TRPC4AP: variants seen among roughly 807,000 people sequenced by gnomAD.
The protein encoded by TRPC4AP is transient receptor potential cation channel subfamily C member 4 associated protein.
In TRPC4AP, 45 loss-of-function variants were observed where a neutral mutation model predicts 99.0. That is an observed-to-expected ratio of 0.45 (90% CI 0.36 to 0.58). The LOEUF (loss-of-function observed/expected upper bound fraction) is 0.58. Ranked by LOEUF, TRPC4AP falls within the 20% of genes least tolerant of loss-of-function variation. The pLI is 0.00. For missense variants in TRPC4AP, 879 were observed against 985.3 expected (o/e 0.89, Z 1.44); for synonymous variants, 408 against 385.8 (o/e 1.06, Z -0.67).
In TRPC4AP at chr20:35,003,391, T is replaced by C. The variant is rs1426367995; in HGVS notation, c.2256+19A>G. 1 of 1,532,092 alleles carries C rather than the reference T, an allele frequency of 6.5e-7. No individual in the cohort carries two copies. Among genetic ancestry groups the C allele is most frequent in the Non-Finnish European group, 8.7e-7 (1 of 1,143,754 alleles). The allele number at this position is 1,532,092 out of a possible 1,614,324, so 94.9% of individuals were successfully genotyped here. The stretch of plus-strand genomic sequence containing the variant: ...GGTCCGCGGCCCACCCATCACCCCC[T>C]TGAGGGTGGGGCACTCACGTTCTCT... On this transcript the variant is annotated intron_variant, in intron 18 of 18. Transcript: ENST00000252015.
At chr20:35,040,501 G>A (rs1569111744) in intron 7 of TRPC4AP, among the ~76,000 whole-genome samples, 1 of 152,184 alleles carries the variant, frequency 6.6e-6, no homozygotes, top group Non-Finnish European at 1.5e-5. Context: ...CTCCAGCCGG[G>A]GAGCTACACC....
chr20:35,059,815 G>A (rs984774621), intron 3 of TRPC4AP, among the ~76,000 whole-genome samples: 2 of 151,966 alleles, frequency 1.3e-5, no homozygotes, highest in Admixed American at 1.3e-4. Flanking sequence ...AGACAAAGAT[G>A]AAGACGAAGA....
At chr20:35,006,929 G>A (rs915502268) in intron 14 of TRPC4AP, among the ~76,000 whole-genome samples, 2 of 152,326 alleles carry the variant, frequency 1.3e-5, no homozygotes, top group Admixed American at 1.3e-4. Flanking sequence ...TAAGCACTGA[G>A]GTCATTCAAG....
intron 8 of TRPC4AP, among the ~76,000 whole-genome samples, chr20:35,029,405 T>A (rs1305630942): frequency 1.3e-5 from 2 of 152,196 alleles, no homozygotes; most frequent in Non-Finnish European, 2.9e-5. Flanking sequence ...TCTGATCCAA[T>A]ATAACAATCT....
chr20:35,057,980 G>A (rs559593386), intron 3 of TRPC4AP, among the ~76,000 whole-genome samples: 1 of 152,036 alleles, frequency 6.6e-6, no homozygotes, highest in Non-Finnish European at 1.5e-5. Flanking sequence ...ACAGGTTTGG[G>A]GGTTATATGC....
intron 6 of TRPC4AP, 152 bp from the exon 7 acceptor site, chr20:35,044,864 G>A (rs1446704013): frequency 4.3e-6 from 3 of 698,532 alleles, no homozygotes; most frequent in Middle Eastern, 4.1e-4. Context: ...TGAAACTTTG[G>A]TTAAGTTACA....
At chr20:35,003,851 C>T (rs2082453531) in intron 17 of TRPC4AP, among the ~76,000 whole-genome samples, 1 of 152,240 alleles carries the variant, frequency 6.6e-6, no homozygotes, top group Admixed American at 6.5e-5. Context: ...CCTGAGGCAA[C>T]AACACCTGTC....
chr20:35,034,248 C>T (rs1295048172), intron 8 of TRPC4AP, among the ~76,000 whole-genome samples: 3 of 151,874 alleles, frequency 2.0e-5, no homozygotes, highest in South Asian at 2.1e-4. Flanking sequence ...CATGAACTTC[C>T]CTGGACTCTG....
intron 6 of TRPC4AP, among the ~76,000 whole-genome samples, chr20:35,047,293 T>C (rs570518144): frequency 2.6e-4 from 40 of 152,368 alleles, no homozygotes; most frequent in Non-Finnish European, 4.6e-4. Flanking sequence ...TCATTAATTA[T>C]TATTGCCTTG....
At chr20:35,035,080 A>G in intron 8 of TRPC4AP, 43 bp downstream of exon 8, 1 of 1,566,848 alleles carries the variant, frequency 6.4e-7, no homozygotes, top group Non-Finnish European at 8.7e-7. Context: ...CCAGGCGCCC[A>G]AGGAAAAGCT....
At chr20:35,013,184 G>T in intron 10 of TRPC4AP, 118 bp from the exon 11 acceptor site, 1 of 898,320 alleles carries the variant, frequency 1.1e-6, no homozygotes, top group Non-Finnish European at 1.8e-6. Flanking sequence ...GTACCATGAG[G>T]ACTTTTCTTT....
intron 7 of TRPC4AP, among the ~76,000 whole-genome samples, chr20:35,036,580 TATACG>T (rs2083323979): frequency 6.6e-6 from 1 of 152,222 alleles, no homozygotes; most frequent in African/African-American, 2.4e-5. Flanking sequence ...CAGGTGAAAT[TATACG>T]ATGTCTGGGG....
intron 1 of TRPC4AP, among the ~76,000 whole-genome samples, chr20:35,086,555 GTGTGTGTGTGTGTGTGTGTGTATA>G (rs2084883657): frequency 3.8e-5 from 2 of 52,354 alleles, no homozygotes; most frequent in South Asian, 6.6e-4. Flanking sequence ...GTGTGTGTGT[GTGTGTGTGTGTGTGTGTGTGTATA>G]TATATATGAA....
At chr20:35,085,326 A>G (rs2146037727) in intron 1 of TRPC4AP, among the ~76,000 whole-genome samples, 1 of 152,234 alleles carries the variant, frequency 6.6e-6, no homozygotes. Context: ...AAAAATAATA[A>G]TTTGGGGCTG....
chr20:35,062,524 G>A (rs1472249938), intron 3 of TRPC4AP, among the ~76,000 whole-genome samples: 8 of 152,192 alleles, frequency 5.3e-5, no homozygotes, highest in Admixed American at 3.3e-4. Context: ...ATTGATACAC[G>A]TTATGACACG....
At chr20:35,066,155 A>C (rs2084139809) in intron 3 of TRPC4AP, among the ~76,000 whole-genome samples, 1 of 152,062 alleles carries the variant, frequency 6.6e-6, no homozygotes, top group Non-Finnish European at 1.5e-5. Flanking sequence ...CCCAGGCTGC[A>C]GTTCATGGTG....
Position 35,007,543 on chromosome 20 carries a change from A to G in TRPC4AP, c.1686+7T>C. ...GAACCCAAGACACTGGCTGCTCCAG[A>G]TCATACCTCCAAGAGGCCTCGCTTC... On this transcript the variant is annotated splice_region_variant and intron_variant, in intron 14 of 18. Transcript: ENST00000252015. 2 of 1,614,034 alleles carry G rather than the reference A, an allele frequency of 1.2e-6. No homozygotes were observed. The highest frequency in any genetic ancestry group is 1.1e-5 in the South Asian group (1 of 91,078).
chr20:35,041,470 C>CATAG (rs138335819), intron 7 of TRPC4AP, among the ~76,000 whole-genome samples: 3,320 of 152,126 alleles, frequency 0.022, 46 homozygotes, highest in Middle Eastern at 0.031. Flanking sequence ...CAGAATCACA[C>CATAG]ATAGACTGTC....
Position 35,057,390 on chromosome 20 carries a change from G to A in TRPC4AP, c.472+124C>T, listed in dbSNP as rs549214717. 31 of 746,550 alleles carry A rather than the reference G, an allele frequency of 4.2e-5. No individual in the cohort carries two copies. The East Asian group carries it at 8.0e-4, about 19-fold the overall frequency. 46.2% of individuals were successfully genotyped at this position (746,550 alleles called of 1,614,324 possible). The stretch of plus-strand genomic sequence containing the variant: ...CTGGGGGAGGAGAGAGCAACCTGTA[G>A]CTAAATGTAAGACATGTCCTTACTA... On this transcript the variant is annotated intron_variant, in intron 4 of 18. Coordinates refer to ENST00000252015, the MANE Select transcript of TRPC4AP (RefSeq NM_015638.3).
Sources: gnomAD v4.1 joint callset for allele counts (sites outside exome capture counted in the v4.1 genomes callset) on GRCh38, gnomAD v4.1.1 for gene constraint, MANE v1.5 for transcripts, NCBI Gene and HGNC (gene_info 2026-07-23, HGNC 2026-07-21) for gene names.